Variants in TRAF7 observed in about 807,000 individuals in gnomAD.
TRAF7 encodes TNF receptor associated factor 7.
Under a neutral mutation model 89.3 loss-of-function variants are expected in TRAF7, and 45 were observed. That is an observed-to-expected ratio of 0.50 (90% CI 0.40 to 0.65). The LOEUF is 0.65. Among genes scored for constraint, TRAF7 ranks in the 30% least tolerant of loss-of-function variants. The pLI is 0.00. For synonymous variants in TRAF7, 406 were observed against 369.2 expected, an observed-to-expected ratio of 1.10 and a Z score of -1.14; for missense variants, 677 against 918.1, an observed-to-expected ratio of 0.74 and a Z score of 3.39.
chr16:2,173,614 C>T (rs1375353371), intron 11 of TRAF7, 60 bp downstream of exon 11: 1 of 1,595,028 alleles, frequency 6.3e-7, no homozygotes, highest in Non-Finnish European at 8.6e-7. Flanking sequence ...GCGGCCCCGG[C>T]AGGGAGGCCT....
intron 1 of TRAF7, among the ~76,000 whole-genome samples, chr16:2,157,957 G>T (rs1201568275): frequency 2.0e-5 from 3 of 152,156 alleles, no homozygotes; most frequent in Non-Finnish European, 4.4e-5. Context: ...TCTTCTCTCG[G>T]CTCCTTCCAG....
intron 2 of TRAF7, among the ~76,000 whole-genome samples, chr16:2,165,352 C>T (rs552504911): frequency 2.2e-4 from 30 of 135,386 alleles, no homozygotes; most frequent in East Asian, 6.8e-4. Context: ...CATGGTTAAG[C>T]GTGTGAGTGC....
Position 2,178,064 on chromosome 16 carries a change from CT to C in TRAF7, c.*1495del. On this transcript the variant is annotated 3_prime_UTR_variant, in exon 21 of 21. Transcript: ENST00000326181. ...AAATATATATTTGTTAAAGTTATAC[CT>C]TTTTGTTTCTCTGGGGAAATCCGCC... 2.1e-6 allele frequency: 1 copy of C among 480,670 alleles called. No homozygotes were observed. The highest frequency in any genetic ancestry group is 4.0e-6 in the Non-Finnish European group (1 of 251,718). The allele number at this position is 480,670 out of a possible 1,614,324, so 29.8% of individuals were successfully genotyped here.
chr16:2,177,922 G>A lies in TRAF7; in HGVS notation c.*1348G>A, dbSNP rs1408603932. 5 of 342,934 alleles carry A rather than the reference G, an allele frequency of 1.5e-5. No homozygotes were observed. Among genetic ancestry groups the A allele is most frequent in the South Asian group, 1.2e-4 (4 of 32,672 alleles). The allele number at this position is 342,934 out of a possible 1,614,324, so 21.2% of individuals were successfully genotyped here. Reference sequence around the variant, plus strand: ...GCAGCCTGGGGCCTCCACTCTGGCCGGAGGAAGGACCGCAGGCAGACAGCC... The same window carrying A: ...GCAGCCTGGGGCCTCCACTCTGGCCAGAGGAAGGACCGCAGGCAGACAGCC... On this transcript the variant is annotated 3_prime_UTR_variant, in exon 21 of 21. Transcript: ENST00000326181.
intron 2 of TRAF7, among the ~76,000 whole-genome samples, 158 bp downstream of exon 2, chr16:2,164,159 T>TGTGTGTGTGTGC (rs879079517): frequency 9.5e-5 from 12 of 126,078 alleles, no homozygotes; most frequent in Non-Finnish European, 2.0e-4. Context: ...TGTGTGTGTG[T>TGTGTGTGTGTGC]GCGCGCGCGC....
At position 2,163,528 on chromosome 16, in the gene TRAF7, A is replaced by ATCTGGTGTTGCCTGCAGAGCTC; in HGVS notation, c.-38-355_-38-354insTCTGGTGTTGCCTGCAGAGCTC. The stretch of plus-strand genomic sequence containing the variant: ...CCAAGGCCCAGCCTTGGCCCCAGGG[A>ATCTGGTGTTGCCTGCAGAGCTC]CATTCAGCCTGGAGGTGACTGGCTG... On this transcript the variant is annotated intron_variant, in intron 1 of 20. Transcript: ENST00000326181. The surrounding 1 kb of genome is among the most constrained non-coding windows in gnomAD (Gnocchi z 4.3). 1 of 270,524 alleles carries ATCTGGTGTTGCCTGCAGAGCTC rather than the reference A, an allele frequency of 3.7e-6. No individual in the cohort carries two copies. The highest frequency in any genetic ancestry group is 7.3e-6 in the Non-Finnish European group (1 of 137,286). The allele number at this position is 270,524 out of a possible 1,614,324, so 16.8% of individuals were successfully genotyped here.
chr16:2,175,084 C>T (rs562219217), intron 14 of TRAF7, 27 bp from the exon 15 acceptor site: 6 of 1,613,674 alleles, frequency 3.7e-6, no homozygotes, highest in Admixed American at 1.7e-5. Flanking sequence ...CTTCTCCCAC[C>T]TTGACACATT....
Position 2,163,306 on chromosome 16 carries a change from C to T in TRAF7, c.-38-577C>T, listed in dbSNP as rs950020466. ...CTCCTGTGCTTTTTTCCGTGCAGTG[C>T]GGTTTGTGTGGAGTTGGGCTCCGGT... On this transcript the variant is annotated intron_variant, in intron 1 of 20. Coordinates refer to ENST00000326181, the MANE Select transcript of TRAF7 (RefSeq NM_032271.3). The surrounding 1 kb of genome is among the most constrained non-coding windows in gnomAD (Gnocchi z 4.3). Among the ~76,000 whole-genome samples the T allele has an allele frequency of 3.9e-5, 6 of 152,174 alleles. No homozygotes were observed. Among genetic ancestry groups the T allele is most frequent in the East Asian group, 1.9e-4 (1 of 5,186 alleles).
intron 2 of TRAF7, among the ~76,000 whole-genome samples, chr16:2,165,019 T>C (rs1376018687): frequency 8.5e-6 from 1 of 117,036 alleles, no homozygotes; most frequent in Non-Finnish European, 1.7e-5. Context: ...GGTCGCATGG[T>C]TAAGCGTGTG....
rs769760877 is a variant in TRAF7 at position 2,173,852 on chromosome 16, C to T, written c.1135+16C>T. The stretch of plus-strand genomic sequence containing the variant: ...ATCCTAGGCTGTGAGTATGGACCCG[C>T]CGTGGCTCCCGCCCACCCTCCCCCC... On this transcript the variant is annotated intron_variant, in intron 12 of 20. Coordinates refer to ENST00000326181, the MANE Select transcript of TRAF7 (RefSeq NM_032271.3). 1.1e-5 allele frequency: 17 copies of T among 1,610,622 alleles called. No homozygotes were observed. The highest frequency in any genetic ancestry group is 1.3e-5 in the African/African-American group (1 of 74,802).
chr16:2,176,929 A>C lies in TRAF7; in HGVS notation c.*355A>C. The C allele has an allele frequency of 2.2e-6, 1 of 463,740 alleles. No individual in the cohort carries two copies. The highest frequency in any genetic ancestry group is 2.2e-5 in the South Asian group (1 of 45,146). 28.7% of individuals were successfully genotyped at this position (463,740 alleles called of 1,614,324 possible). A position where few individuals can be genotyped will look rare whatever the true frequency, so the allele number is the denominator to read the frequency against. The stretch of plus-strand genomic sequence containing the variant: ...ACCTCCTGGTTGAAATAAATGCTCC[A>C]CAGACTGTGGCTGTGAGTGGGGACA... On this transcript the variant is annotated 3_prime_UTR_variant, in exon 21 of 21. Coordinates refer to ENST00000326181, the MANE Select transcript of TRAF7 (RefSeq NM_032271.3).
chr16:2,173,857 G>GCGGGGGCCCC, intron 12 of TRAF7, 21 bp downstream of exon 12: 1 of 1,607,500 alleles, frequency 6.2e-7, no homozygotes, highest in Non-Finnish European at 8.5e-7. Context: ...ACCCGCCGTG[G>GCGGGGGCCCC]CTCCCGCCCA....
rs1349908837 is a variant in TRAF7 at position 2,161,445 on chromosome 16, T to A, written c.-38-2438T>A. 6.6e-6 allele frequency among the ~76,000 whole-genome samples: 1 copy of A among 152,066 alleles called. No individual in the cohort carries two copies. The highest frequency in any genetic ancestry group is 2.4e-5 in the African/African-American group (1 of 41,388). On this transcript the variant is annotated intron_variant, in intron 1 of 20. Coordinates refer to ENST00000326181, the MANE Select transcript of TRAF7 (RefSeq NM_032271.3). The surrounding 1 kb of genome is among the most constrained non-coding windows in gnomAD (Gnocchi z 5.2). ...AAGCCAGACAGTTGCTCTCCCAGAC[T>A]GTGAGCAACAGGCACTGAGGCCAGC...
intron 2 of TRAF7, among the ~76,000 whole-genome samples, chr16:2,164,738 G>A (rs1482439807): frequency 6.1e-5 from 8 of 131,664 alleles, no homozygotes; most frequent in South Asian, 2.5e-4. Flanking sequence ...ATGGTTAAGC[G>A]TGTGAGTGCT....
In TRAF7 at chr16:2,158,598, G is replaced by T. The variant is rs2093045443; in HGVS notation, c.-39+2740G>T. On this transcript the variant is annotated intron_variant, in intron 1 of 20. Coordinates refer to ENST00000326181, the MANE Select transcript of TRAF7 (RefSeq NM_032271.3). This position sits in a 1 kb window ranked among gnomAD's most constrained non-coding sequence, Gnocchi z 4.7. ...ATGAGGGCGCTGGGTGACTGAGGGG[G>T]TCAGTGGTCTCTGCCCTCACATTCC... Among the ~76,000 whole-genome samples, 1 of 152,210 alleles carries T rather than the reference G, an allele frequency of 6.6e-6. No individual in the cohort carries two copies. Among genetic ancestry groups the T allele is most frequent in the African/African-American group, 2.4e-5 (1 of 41,442 alleles).
Position 2,172,629 on chromosome 16 carries a change from G to T in TRAF7, c.794+30G>T, listed in dbSNP as rs770835622. The stretch of plus-strand genomic sequence containing the variant: ...GTGGGGGGCGGGCGGGGGTGGGCCG[G>T]GGTGGGCGCAGGCCCTCCACAGGCT... On this transcript the variant is annotated intron_variant, in intron 9 of 20. Transcript: ENST00000326181. 13 of 1,342,008 alleles carry T rather than the reference G, an allele frequency of 9.7e-6. 1 individual carries two copies. In the South Asian group the frequency reaches 1.6e-4, roughly 17 times the overall value. The allele number at this position is 1,342,008 out of a possible 1,614,324, so 83.1% of individuals were successfully genotyped here. A position where few individuals can be genotyped will look rare whatever the true frequency, so the allele number is the denominator to read the frequency against.
Position 2,175,814 on chromosome 16 carries a change from T to C in TRAF7, c.1627-20T>C, listed in dbSNP as rs1405013551. 1.2e-6 allele frequency: 2 copies of C among 1,611,332 alleles called. No homozygotes were observed. Among genetic ancestry groups the C allele is most frequent in the Admixed American group, 1.7e-5 (1 of 59,936 alleles). On this transcript the variant is annotated intron_variant, in intron 17 of 20. Transcript: ENST00000326181. ...GTGAAGCACCTGGCCTGGGACCAACTGGCCCACGATTACTCATAGATCTGG... is the reference window on the plus strand; with the variant it reads ...GTGAAGCACCTGGCCTGGGACCAACCGGCCCACGATTACTCATAGATCTGG...
At chr16:2,155,939 C>G (rs2093031421) in intron 1 of TRAF7, 81 bp downstream of exon 1, 1 of 122,422 alleles carries the variant, frequency 8.2e-6, no homozygotes, top group African/African-American at 3.2e-5. Context: ...GCGTGGAGAT[C>G]GAGGCGAGGC....
intron 1 of TRAF7, among the ~76,000 whole-genome samples, chr16:2,157,339 C>T (rs1236477994): frequency 6.6e-6 from 1 of 151,700 alleles, no homozygotes; most frequent in African/African-American, 2.4e-5. Context: ...GAGTCAGCAC[C>T]CCAACCTGAC....
Sources: allele counts gnomAD v4.1 joint callset (sites outside exome capture counted in the v4.1 genomes callset), GRCh38; gene constraint gnomAD v4.1.1; non-coding constraint Gnocchi (gnomAD v3.1); transcripts MANE v1.5; gene names NCBI Gene and HGNC (gene_info 2026-07-23, HGNC 2026-07-21).